ZNF91: variants seen among roughly 807,000 people sequenced by gnomAD.
ZNF91 encodes the protein zinc finger protein 91 (HPF7, HTF10).
In ZNF91, 7 loss-of-function variants were observed where a neutral mutation model predicts 12.6. That is an observed-to-expected ratio of 0.55 (90% CI 0.31 to 1.04). ZNF91 has a LOEUF of 1.04. Ranked by LOEUF, ZNF91 falls within the 50% of genes least tolerant of loss-of-function variation. The pLI is 0.05. For missense variants in ZNF91, 1,217 were observed against 1,385.4 expected, an observed-to-expected ratio of 0.88 and a Z score of 1.93; for synonymous variants, 453 against 462.6, an observed-to-expected ratio of 0.98 and a Z score of 0.27.
chr19:23,352,087 A>C (rs1968380336), intron 3 of ZNF91, among the ~76,000 whole-genome samples: 1 of 152,214 alleles, frequency 6.6e-6, no homozygotes, highest in Non-Finnish European at 1.5e-5. Context: ...CAGACTTCAC[A>C]GGCAGGGAAA....
chr19:23,387,075 G>A (rs984792296), intron 1 of ZNF91, among the ~76,000 whole-genome samples: 1 of 152,170 alleles, frequency 6.6e-6, no homozygotes, highest in Non-Finnish European at 1.5e-5. Flanking sequence ...AATCATTAGA[G>A]AAATGCCAAG....
upstream of ZNF91, among the ~76,000 whole-genome samples, chr19:23,312,353 A>C (rs753068698): frequency 2.6e-5 from 4 of 152,180 alleles, no homozygotes; most frequent in Non-Finnish European, 5.9e-5. Context: ...GAAAGATACT[A>C]TCTCTCTTAG....
At position 23,359,680 on chromosome 19, in the gene ZNF91, T is replaced by A; in HGVS notation, c.3299A>T (p.His1100Leu). The change falls in exon 4 of 4, where the codon CAC becomes CTC. Residue 1100 changes from histidine to leucine, a missense_variant. His to Leu is a moderately conservative substitution (Grantham distance 99, BLOSUM62 -3). Around this residue, in one of 2 missense-constraint regions of ZNF91, gnomAD observed 491 missense variants for 489.8 expected, o/e 1.00. Coordinates refer to ENST00000300619, the MANE Select transcript of ZNF91 (RefSeq NM_003430.4). ...SSTLTRHKRL[H>L]TGEKPYKCGE... ...ACATTTGTAGGGTTTCTCTCCGGTG[T>A]GCAACCTCTTATGTCTAGTTAGGGT... 2 of 1,614,136 alleles carry A rather than the reference T, an allele frequency of 1.2e-6. No individual in the cohort carries two copies. Among genetic ancestry groups the A allele is most frequent in the South Asian group, 1.1e-5 (1 of 91,070 alleles).
intron 3 of ZNF91, among the ~76,000 whole-genome samples, chr19:23,365,571 C>CTT (rs370180013): frequency 7.4e-4 from 108 of 145,536 alleles, no homozygotes; most frequent in Admixed American, 8.2e-4. Flanking sequence ...ATATAGAAGT[C>CTT]TTTTTTTTTT....
In ZNF91 at chr19:23,374,717, C is replaced by T. The variant is rs369467332; in HGVS notation, c.78G>A (p.Glu26=). The T allele has an allele frequency of 5.6e-6, 9 of 1,613,040 alleles. No homozygotes were observed. Among genetic ancestry groups the T allele is most frequent in the African/African-American group, 5.3e-5 (4 of 74,884 alleles). ...RDVAIEFSPE[E]WQCLDTAQQN... is the part of the protein sequence containing the mutation. The stretch of plus-strand genomic sequence containing the variant: ...GCTGTGCAGTGTCCAGACATTGCCA[C>T]TCCTCCGGAGAGAATTCTATGGCCA... Residue 26 remains glutamate (E), a synonymous_variant, in exon 2 of 4, where the codon GAG becomes GAA. Coordinates refer to ENST00000300619, the MANE Select transcript of ZNF91 (RefSeq NM_003430.4).
rs370911694 is a variant in ZNF91, at chr19:23,359,675, C to T, written c.3304G>A (p.Gly1102Arg). 4.0e-5 allele frequency: 64 copies of T among 1,613,796 alleles called. No homozygotes were observed. Among genetic ancestry groups the T allele is most frequent in the African/African-American group, 2.1e-4 (16 of 74,932 alleles). Residue 1102 changes from glycine (G) to arginine (R), a missense_variant, in exon 4 of 4, where the codon GGA becomes AGA. Physicochemically the swap from Gly to Arg is moderately radical, Grantham distance 125. Around this residue, in one of 2 missense-constraint regions of ZNF91, gnomAD observed 491 missense variants for 489.8 expected, o/e 1.00. Transcript: ENST00000300619. ...TLTRHKRLHT[G>R]EKPYKCGECG... Reference sequence around the variant, plus strand: ...TCTCCACATTTGTAGGGTTTCTCTCCGGTGTGCAACCTCTTATGTCTAGTT... The same window carrying T: ...TCTCCACATTTGTAGGGTTTCTCTCTGGTGTGCAACCTCTTATGTCTAGTT...
At chr19:23,356,960 C>T (rs295370), downstream of ZNF91, among the ~76,000 whole-genome samples, 44,321 of 151,716 alleles carry the variant, frequency 0.29, 6,819 homozygotes, top group East Asian at 0.38. Flanking sequence ...CCAGGCGAGG[C>T]GGCTCACGCC....
intron 3 of ZNF91, among the ~76,000 whole-genome samples, chr19:23,372,199 A>G (rs1175401380): frequency 6.6e-6 from 1 of 152,008 alleles, no homozygotes; most frequent in Non-Finnish European, 1.5e-5. Context: ...ATAAAAATTT[A>G]TATGGAGAGT....
At chr19:23,320,210 G>A (rs570932594) in intron 1 of ZNF91, among the ~76,000 whole-genome samples, 59 of 152,250 alleles carry the variant, frequency 3.9e-4, no homozygotes, top group African/African-American at 1.3e-3. Flanking sequence ...TCTAAACCCA[G>A]CTCATAGGCA....
intron 3 of ZNF91, among the ~76,000 whole-genome samples, chr19:23,371,784 C>T (rs1248043833): frequency 6.6e-6 from 1 of 151,970 alleles, no homozygotes; most frequent in African/African-American, 2.4e-5. Context: ...AATAAAATCC[C>T]AGAGAAAATG....
intron 1 of ZNF91, among the ~76,000 whole-genome samples, chr19:23,330,032 A>G (rs1280732060): frequency 1.3e-5 from 2 of 152,110 alleles, no homozygotes; most frequent in Non-Finnish European, 2.9e-5. Flanking sequence ...CATCTCACAT[A>G]AAAGTTTTAC....
chr19:23,323,656 CTCCTT>C (rs1967764690), intron 1 of ZNF91, among the ~76,000 whole-genome samples: 2 of 133,552 alleles, frequency 1.5e-5, no homozygotes, highest in South Asian at 5.2e-4. Flanking sequence ...TCCTCTCCTC[CTCCTT>C]TCCTCTTCTC....
intron 3 of ZNF91, among the ~76,000 whole-genome samples, chr19:23,351,331 G>GAA (rs200744779): frequency 1.9e-3 from 173 of 93,366 alleles, no homozygotes; most frequent in South Asian, 7.0e-3. Flanking sequence ...CACAGAAAAA[G>GAA]AAAAAAAAAA....
Position 23,344,392 on chromosome 19 carries a change from C to A in ZNF91, c.254-5338G>T, listed in dbSNP as rs1022056233. Reference sequence around the variant, plus strand: ...TACAGAGGTGAGCCACCGCGCCCGGCAAAAAACATAAATTATAATCTGAAT... The same window carrying A: ...TACAGAGGTGAGCCACCGCGCCCGGAAAAAAACATAAATTATAATCTGAAT... On this transcript the variant is annotated intron_variant, in intron 3 of 3. Transcript: ENST00000599743. 7.4e-4 allele frequency among the ~76,000 whole-genome samples: 113 copies of A among 151,966 alleles called. 1 individual carries two copies. The highest frequency in any genetic ancestry group is 2.6e-3 in the African/African-American group (109 of 41,356).
chr19:23,376,668 C>T (rs1221856795), intron 1 of ZNF91, among the ~76,000 whole-genome samples: 5 of 152,078 alleles, frequency 3.3e-5, no homozygotes, highest in African/African-American at 2.4e-5. Context: ...GGATTACAGA[C>T]GTGAGCCACC....
rs750692521 is a variant in ZNF91 at position 23,361,716 on chromosome 19, A to G, written c.1263T>C (p.Leu421=). The change falls in exon 4 of 4, where the codon CTT becomes CTC. Residue 421 remains leucine (L), a synonymous_variant. Transcript: ENST00000300619. ...CGKAFNRSSN[L]TIHKFIHTGE... ...CAGTATGAATAAACTTATGTATAGT[A>G]AGATTTGAAGATCGATTAAAAGCTT... 14 of 1,610,326 alleles carry G rather than the reference A, an allele frequency of 8.7e-6. No individual in the cohort carries two copies. The highest frequency in any genetic ancestry group is 1.1e-5 in the Non-Finnish European group (13 of 1,177,710).
chr19:23,354,560 C>T (rs541915267), downstream of ZNF91, among the ~76,000 whole-genome samples: 1 of 152,214 alleles, frequency 6.6e-6, no homozygotes, highest in South Asian at 2.1e-4. Flanking sequence ...AGAACGGGAA[C>T]AAGACAAGGA....
intron 3 of ZNF91, among the ~76,000 whole-genome samples, chr19:23,343,668 T>C (rs555545935): frequency 3.4e-4 from 52 of 151,992 alleles, no homozygotes; most frequent in African/African-American, 1.2e-3. Context: ...CACAGACAGG[T>C]AGACAGGAGG....
rs1192448272 is a variant in ZNF91, at chr19:23,362,486, T to C, written c.493A>G (p.Lys165Glu). 1.9e-6 allele frequency: 3 copies of C among 1,603,584 alleles called. No individual in the cohort carries two copies. The highest frequency in any genetic ancestry group is 2.5e-6 in the Non-Finnish European group (3 of 1,176,542). ...QCGKYLKVFYKFLNSNRHTIR... is the reference protein window; with the variant it reads ...QCGKYLKVFYEFLNSNRHTIR... ...GTATGTCTGTTTGAATTTAAAAATT[T>C]ATAGAAGACTTTCAAATATTTCCCA... The change falls in exon 4 of 4, where the codon AAA becomes GAA. Residue 165 changes from lysine to glutamate, a missense_variant. Physicochemically the swap from Lys to Glu is moderately conservative, Grantham distance 56 (BLOSUM62 1). This residue lies in a region of ZNF91 where 726 missense variants were observed against 895.5 expected (regional missense o/e 0.81). Coordinates refer to ENST00000300619, the MANE Select transcript of ZNF91 (RefSeq NM_003430.4).
Sources: gnomAD v4.1 joint callset for allele counts (sites outside exome capture counted in the v4.1 genomes callset) on GRCh38, gnomAD v4.1.1 for gene constraint, gnomAD v4.1.1 regional missense constraint, MANE v1.5 for transcripts, NCBI Gene and HGNC (gene_info 2026-07-23, HGNC 2026-07-21) for gene names.